Variants in MESD observed in about 807,000 individuals in gnomAD.
MESD encodes mesoderm development LRP chaperone.
In MESD, 7 loss-of-function variants were observed where a neutral mutation model predicts 12.9. The observed-to-expected ratio is 0.54, with a 90% CI of 0.31 to 1.02. The LOEUF (loss-of-function observed/expected upper bound fraction) is 1.02. Among genes scored for constraint, MESD ranks in the 50% least tolerant of loss-of-function variants. The pLI is 0.05. For synonymous variants in MESD, 126 were observed against 115.6 expected (o/e 1.09, Z -0.58); for missense variants, 342 against 296.7 (o/e 1.15, Z -1.12).
downstream of MESD, among the ~76,000 whole-genome samples, chr15:80,973,015 C>G (rs1596231474): frequency 6.6e-6 from 1 of 152,066 alleles, no homozygotes; most frequent in South Asian, 2.1e-4. Context: ...GAGCAAGACT[C>G]TGTCTCAAAA....
chr15:80,972,872 A>G (rs966924345), downstream of MESD, among the ~76,000 whole-genome samples: 1 of 152,124 alleles, frequency 6.6e-6, no homozygotes, highest in African/African-American at 2.4e-5. Flanking sequence ...AATACAAAAA[A>G]TTAGCCAGGT....
chr15:80,984,215 A>G (rs1472248925), intron 1 of MESD, among the ~76,000 whole-genome samples: 1 of 152,102 alleles, frequency 6.6e-6, no homozygotes, highest in Admixed American at 6.6e-5. Flanking sequence ...ATATAGACTG[A>G]CAAATAAAAA....
chr15:80,955,136 G>GA (rs10714731), intron 3 of MESD, among the ~76,000 whole-genome samples: 208 of 134,502 alleles, frequency 1.5e-3, no homozygotes, highest in Non-Finnish European at 1.6e-3. Context: ...GTCTCTACTA[G>GA]AAAAAAAAAA....
chr15:80,946,916 T>C, downstream of MESD: 1 of 1,310,994 alleles, frequency 7.6e-7, no homozygotes, highest in Non-Finnish European at 1.1e-6. Context: ...ATGCCCACTT[T>C]CTCCAGTTTG....
intron 2 of MESD, 21 bp from the exon 3 acceptor site, chr15:80,979,498 C>T: frequency 1.2e-6 from 2 of 1,610,274 alleles, no homozygotes; most frequent in South Asian, 2.2e-5. Flanking sequence ...GAGATGCAAT[C>T]AGTCAGCCAG....
intron 1 of MESD, among the ~76,000 whole-genome samples, chr15:80,984,200 A>G (rs1197212809): frequency 2.0e-5 from 3 of 152,132 alleles, no homozygotes; most frequent in African/African-American, 7.2e-5. Flanking sequence ...TGCCTAATAA[A>G]TAGCATATAG....
At chr15:80,946,910 C>T (rs1307066221), downstream of MESD, 17 of 1,221,462 alleles carry the variant, frequency 1.4e-5, no homozygotes, top group Middle Eastern at 6.0e-4. Flanking sequence ...CTCCCCATGC[C>T]CACTTTCTCC....
downstream of MESD, among the ~76,000 whole-genome samples, chr15:80,975,371 C>A (rs1414143078): frequency 4.6e-5 from 7 of 151,760 alleles, no homozygotes; most frequent in Non-Finnish European, 7.4e-5. Context: ...AGTGAGACAG[C>A]AAGAGACCCT....
intron 3 of MESD, among the ~76,000 whole-genome samples, chr15:80,963,692 T>C (rs546022816): frequency 1.3e-5 from 2 of 152,264 alleles, no homozygotes; most frequent in African/African-American, 4.8e-5. Flanking sequence ...AATCAATAAA[T>C]GTAATCCCTC....
exon 4 of MESD, chr15:80,952,264 C>T (rs1380772773): frequency 2.2e-6 from 1 of 455,966 alleles, no homozygotes; most frequent in Middle Eastern, 3.3e-4. Flanking sequence ...AGGTAGAGGG[C>T]ACCTCAGGCA....
chr15:80,973,523 A>C (rs907974630), downstream of MESD, among the ~76,000 whole-genome samples: 5 of 152,120 alleles, frequency 3.3e-5, no homozygotes, highest in Admixed American at 6.5e-5. Context: ...TTGGCAACAG[A>C]GGCCCTGTCT....
In MESD at chr15:80,953,517, G is replaced by C. The variant is rs1054042111; in HGVS notation, c.*289-1221C>G. ...CTGCAATGCATTAGGTGACCAGTGG[G>C]CACCTTCCGTTCCTGTCCGCAGGGA... On this transcript the variant is annotated intron_variant, in intron 3 of 4. Transcript: ENST00000561312. Among the ~76,000 whole-genome samples, 70 of 152,204 alleles carry C rather than the reference G, an allele frequency of 4.6e-4. 1 individual carries two copies. The highest frequency in any genetic ancestry group is 4.6e-3 in the Admixed American group (70 of 15,286).
At position 80,977,081 on chromosome 15, in the gene MESD, C is replaced by G. The variant is rs1405435035; in HGVS notation, c.*2138G>C. 1 of 153,990 alleles carries G rather than the reference C, an allele frequency of 6.5e-6. No individual in the cohort carries two copies. The highest frequency in any genetic ancestry group is 1.4e-5 in the Non-Finnish European group (1 of 69,362). The allele number at this position is 153,990 out of a possible 1,614,324, so 9.5% of individuals were successfully genotyped here. The stretch of plus-strand genomic sequence containing the variant: ...ATGTGCTACGCTCCTCCAACCTGGG[C>G]CTGCACTGGGCCCCAGCCTCCCCGC... On this transcript the variant is annotated 3_prime_UTR_variant, in exon 3 of 3. Coordinates refer to ENST00000261758, the MANE Select transcript of MESD (RefSeq NM_015154.3).
intron 3 of MESD, among the ~76,000 whole-genome samples, chr15:80,958,806 G>A (rs1902033918): frequency 6.6e-6 from 1 of 152,192 alleles, no homozygotes; most frequent in Non-Finnish European, 1.5e-5. Flanking sequence ...CAAGGTCCTT[G>A]ATGTGTCAGT....
At chr15:80,958,603 G>A (rs567342616) in intron 3 of MESD, among the ~76,000 whole-genome samples, 14 of 152,252 alleles carry the variant, frequency 9.2e-5, no homozygotes, top group Admixed American at 1.3e-4. Context: ...AAAGTGCTGG[G>A]ATTACAGGCA....
chr15:80,964,512 A>T (rs1277402493), intron 3 of MESD, among the ~76,000 whole-genome samples: 2 of 152,230 alleles, frequency 1.3e-5, no homozygotes, highest in African/African-American at 4.8e-5. Context: ...AACTAAGACA[A>T]TCCTAAACAA....
intron 4 of MESD, chr15:80,949,524 T>C (rs116483143): frequency 0.048 from 8,308 of 171,500 alleles, 258 homozygotes; most frequent in Middle Eastern, 0.17. Context: ...GGTTTGGACT[T>C]GGACTAGATG....
At chr15:80,988,410 A>G (rs1902792668) in intron 1 of MESD, among the ~76,000 whole-genome samples, 1 of 152,160 alleles carries the variant, frequency 6.6e-6, no homozygotes, top group Non-Finnish European at 1.5e-5. Flanking sequence ...TCAGGGTCTG[A>G]GTAGGTCAAG....
chr15:80,952,867 C>T, intron 3 of MESD: 1 of 423,860 alleles, frequency 2.4e-6, no homozygotes, highest in Non-Finnish European at 4.7e-6. Flanking sequence ...TATTTTTGCA[C>T]CCCTGCTCTG....
Sources: allele counts gnomAD v4.1 joint callset (sites outside exome capture counted in the v4.1 genomes callset), GRCh38; gene constraint gnomAD v4.1.1; transcripts MANE v1.5; gene names NCBI Gene and HGNC (gene_info 2026-07-23, HGNC 2026-07-21).